Variants in ZNF804B observed in about 807,000 individuals in gnomAD.
ZNF804B encodes zinc finger 804B.
Under a neutral mutation model 101.4 loss-of-function variants are expected in ZNF804B, and 80 were observed. The observed-to-expected ratio is 0.79, with a 90% confidence interval of 0.66 to 0.95. ZNF804B has a LOEUF of 0.95. ZNF804B is among the 40% of genes least tolerant of loss of function. The pLI is 0.00. For synonymous variants in ZNF804B, 622 were observed against 558.8 expected (o/e 1.11, Z -1.59); for missense variants, 1,673 against 1,561.9 (o/e 1.07, Z -1.20).
At chr7:89,228,602 C>A (rs57522910) in intron 2 of ZNF804B, among the ~76,000 whole-genome samples, 3 of 152,116 alleles carry the variant, frequency 2.0e-5, no homozygotes, top group Admixed American at 2.0e-4. Flanking sequence ...TGTTTACAAA[C>A]CTTGAGCTAG....
chr7:89,300,759 C>G (rs1310438488), intron 2 of ZNF804B, among the ~76,000 whole-genome samples: 1 of 151,828 alleles, frequency 6.6e-6, no homozygotes, highest in Non-Finnish European at 1.5e-5. Context: ...GGATTTTAGT[C>G]TAAGATCATT....
At chr7:89,183,827 A>G (rs919355085) in intron 1 of ZNF804B, among the ~76,000 whole-genome samples, 1 of 152,194 alleles carries the variant, frequency 6.6e-6, no homozygotes, top group African/African-American at 2.4e-5. Context: ...TTGAATATAC[A>G]GCTTCCAAAT....
chr7:88,935,522 A>C (rs889970183), intron 1 of ZNF804B, among the ~76,000 whole-genome samples: 1 of 151,222 alleles, frequency 6.6e-6, no homozygotes, highest in Non-Finnish European at 1.5e-5. Flanking sequence ...CACTCTATTT[A>C]TTTTTTATTA....
intron 1 of ZNF804B, among the ~76,000 whole-genome samples, chr7:89,195,957 T>C (rs554283100): frequency 6.6e-6 from 1 of 152,116 alleles, no homozygotes; most frequent in African/African-American, 2.4e-5. Context: ...AGAATCAACA[T>C]CATGAAAATG....
At chr7:88,889,450 T>G (rs1051529264) in intron 1 of ZNF804B, among the ~76,000 whole-genome samples, 1 of 152,130 alleles carries the variant, frequency 6.6e-6, no homozygotes, top group Non-Finnish European at 1.5e-5. Context: ...CGTCTGTTAT[T>G]TTTTGACTTT....
In ZNF804B at chr7:89,333,824, T is replaced by C; in HGVS notation, c.842T>C (p.Val281Ala). The C allele has an allele frequency of 6.2e-7, 1 of 1,608,628 alleles. No homozygotes were observed. Among genetic ancestry groups the C allele is most frequent in the Non-Finnish European group, 8.5e-7 (1 of 1,176,932 alleles). The part of the protein sequence containing the change: ...KDTHLTKEKE[V>A]NISPSHLESV... ...ACACACCTTACCAAGGAAAAAGAGG[T>C]AAATATCTCACCAAGCCATCTGGAA... Residue 281 changes from valine to alanine, a missense_variant, in exon 4 of 4, where the codon GTA becomes GCA. Coordinates refer to ENST00000333190, the MANE Select transcript of ZNF804B (RefSeq NM_181646.5).
At chr7:89,220,015 G>GCACACACA (rs572549816) in intron 2 of ZNF804B, among the ~76,000 whole-genome samples, 1 of 140,960 alleles carries the variant, frequency 7.1e-6, no homozygotes, top group Non-Finnish European at 1.5e-5. Flanking sequence ...ACATATATGT[G>GCACACACA]TGTATACATA....
intron 1 of ZNF804B, among the ~76,000 whole-genome samples, chr7:89,072,880 A>C (rs1478621180): frequency 3.3e-5 from 5 of 152,074 alleles, no homozygotes; most frequent in African/African-American, 9.7e-5. Flanking sequence ...ATATATCATA[A>C]AGATATATGA....
chr7:88,848,206 C>T (rs774683195), intron 1 of ZNF804B, among the ~76,000 whole-genome samples: 2 of 152,068 alleles, frequency 1.3e-5, no homozygotes, highest in African/African-American at 4.8e-5. Context: ...GCCAAAATGT[C>T]AATAACATCA....
At chr7:89,186,059 G>A (rs1233308775) in intron 1 of ZNF804B, among the ~76,000 whole-genome samples, 1 of 151,904 alleles carries the variant, frequency 6.6e-6, no homozygotes, top group African/African-American at 2.4e-5. Flanking sequence ...CTTATATAGT[G>A]AAAAGTTAAC....
intron 2 of ZNF804B, among the ~76,000 whole-genome samples, chr7:89,310,453 AT>A (rs1184491069): frequency 3.3e-5 from 5 of 152,148 alleles, no homozygotes; most frequent in Non-Finnish European, 7.3e-5. Context: ...CCAGAGTCTA[AT>A]TTCATTAATT....
intron 1 of ZNF804B, among the ~76,000 whole-genome samples, chr7:89,173,887 T>C (rs888549857): frequency 1.4e-4 from 21 of 152,168 alleles, no homozygotes; most frequent in African/African-American, 4.8e-4. Flanking sequence ...ATTACAGAAC[T>C]CTAACAATAT....
intron 1 of ZNF804B, among the ~76,000 whole-genome samples, chr7:88,817,323 A>G (rs1309001819): frequency 1.3e-5 from 2 of 152,180 alleles, no homozygotes; most frequent in African/African-American, 4.8e-5. Context: ...TGGCACATGT[A>G]TACATATGTA....
At chr7:89,008,611 G>T (rs1788406184) in intron 1 of ZNF804B, among the ~76,000 whole-genome samples, 1 of 152,036 alleles carries the variant, frequency 6.6e-6, no homozygotes, top group Non-Finnish European at 1.5e-5. Context: ...GGCAGACTTG[G>T]TTCTCTCTCA....
At chr7:89,235,607 G>C (rs1384355572) in intron 2 of ZNF804B, among the ~76,000 whole-genome samples, 1 of 152,158 alleles carries the variant, frequency 6.6e-6, no homozygotes, top group Non-Finnish European at 1.5e-5. Context: ...CCTGGATCCA[G>C]ATATATATTT....
At chr7:89,012,125 C>T (rs980707958) in intron 1 of ZNF804B, among the ~76,000 whole-genome samples, 8 of 152,136 alleles carry the variant, frequency 5.3e-5, no homozygotes, top group African/African-American at 1.2e-4. Context: ...TTGGGGCTTG[C>T]GCTCTCTGAG....
At chr7:89,179,209 G>A (rs1788255451) in intron 1 of ZNF804B, among the ~76,000 whole-genome samples, 1 of 151,988 alleles carries the variant, frequency 6.6e-6, no homozygotes, top group Non-Finnish European at 1.5e-5. Context: ...CTTTCTCTAG[G>A]TTTGAGAAGT....
At chr7:88,934,400 G>C (rs996072713) in intron 1 of ZNF804B, among the ~76,000 whole-genome samples, 2 of 151,834 alleles carry the variant, frequency 1.3e-5, no homozygotes, top group African/African-American at 4.8e-5. Context: ...TGAATAAATG[G>C]TACTTAATAA....
intron 2 of ZNF804B, among the ~76,000 whole-genome samples, chr7:89,241,208 C>A (rs1014967722): frequency 3.3e-5 from 5 of 152,198 alleles, no homozygotes; most frequent in East Asian, 1.9e-4. Flanking sequence ...TAACAAATAA[C>A]CCTACTGAAT....
Sources: allele counts gnomAD v4.1 joint callset (sites outside exome capture counted in the v4.1 genomes callset), GRCh38; gene constraint gnomAD v4.1.1; transcripts MANE v1.5; gene names NCBI Gene and HGNC (gene_info 2026-07-23, HGNC 2026-07-21).